The following RYR3 variants were observed in gnomAD, a reference collection of about 807,000 sequenced individuals.
The protein encoded by RYR3 is ryanodine receptor 3.
A neutral mutation model predicts 584.3 loss-of-function variants in RYR3; 207 were observed. The observed-to-expected ratio is 0.35, with a 90% CI of 0.32 to 0.40. The LOEUF (loss-of-function observed/expected upper bound fraction) is 0.40, where lower values mean the gene tolerates loss of function less well. Ranked by LOEUF, RYR3 falls within the 10% of genes least tolerant of loss-of-function variation. The pLI, the probability that RYR3 is intolerant of heterozygous loss-of-function variation, is 1.00. For synonymous variants in RYR3, 2,416 were observed against 2,248.5 expected, an observed-to-expected ratio of 1.07 and a Z score of -2.11; for missense variants, 5,616 against 6,089.2, an observed-to-expected ratio of 0.92 and a Z score of 2.59.
At chr15:33,329,832 C>T (rs756387536) in intron 1 of RYR3, among the ~76,000 whole-genome samples, 7 of 151,950 alleles carry the variant, frequency 4.6e-5, no homozygotes, top group Non-Finnish European at 7.4e-5. Flanking sequence ...AGACTTTGTG[C>T]GAAGGGGAGA....
intron 2 of RYR3, among the ~76,000 whole-genome samples, chr15:33,488,920 A>G (rs939744355): frequency 7.9e-5 from 12 of 152,124 alleles, no homozygotes; most frequent in Non-Finnish European, 1.5e-4. Flanking sequence ...CTTCATGGAT[A>G]TTTTCAAACC....
intron 3 of RYR3, 49 bp downstream of exon 3, chr15:33,503,787 C>T (rs1428902935): frequency 1.9e-6 from 2 of 1,060,624 alleles, no homozygotes; most frequent in South Asian, 2.7e-5. Context: ...GCACCACATC[C>T]CCAAAATACG....
intron 1 of RYR3, among the ~76,000 whole-genome samples, chr15:33,463,700 T>C (rs1405934482): frequency 6.6e-6 from 1 of 152,192 alleles, no homozygotes; most frequent in Non-Finnish European, 1.5e-5. Context: ...GCTTTCTCCT[T>C]TGCTCTCCCT....
At chr15:33,485,999 G>A (rs16971602) in intron 2 of RYR3, among the ~76,000 whole-genome samples, 29,019 of 151,942 alleles carry the variant, frequency 0.19, 6,092 homozygotes, top group African/African-American at 0.53. Context: ...TACATGGTTA[G>A]ACAGTGGCCT....
intron 1 of RYR3, among the ~76,000 whole-genome samples, chr15:33,467,843 T>TA (rs1331555228): frequency 6.6e-6 from 1 of 152,148 alleles, no homozygotes; most frequent in African/African-American, 2.4e-5. Context: ...AGAAATCTTG[T>TA]TGTATTTATT....
intron 2 of RYR3, among the ~76,000 whole-genome samples, chr15:33,495,454 A>C (rs2051331430): frequency 6.6e-6 from 1 of 152,216 alleles, no homozygotes; most frequent in Admixed American, 6.5e-5. Context: ...AAAATGGCTT[A>C]AAATGTCTTC....
intron 67 of RYR3, among the ~76,000 whole-genome samples, chr15:33,796,262 G>T (rs969238274): frequency 1.3e-5 from 2 of 152,030 alleles, no homozygotes; most frequent in African/African-American, 4.8e-5. Context: ...AGCCTCCCGA[G>T]TAGCTGGGAT....
In RYR3 at chr15:33,830,885, T is replaced by C. The variant is rs1335141196; in HGVS notation, c.11335-78T>C. 14 of 1,486,108 alleles carry C rather than the reference T, an allele frequency of 9.4e-6. No homozygotes were observed. The African/African-American group carries it at 1.7e-4, about 18-fold the overall frequency. 92.1% of individuals were successfully genotyped at this position (1,486,108 alleles called of 1,614,324 possible). ...AGGTCATAGAGATGCAGGATTATCA[T>C]GTACCCTTCCCAAACACCGAGTTTA... On this transcript the variant is annotated intron_variant, in intron 85 of 103. Transcript: ENST00000634891.
intron 1 of RYR3, among the ~76,000 whole-genome samples, chr15:33,433,464 A>T (rs1363348966): frequency 6.6e-6 from 1 of 151,820 alleles, no homozygotes; most frequent in East Asian, 1.9e-4. Flanking sequence ...TGTGTGCTGG[A>T]CATATAAGAT....
intron 43 of RYR3, among the ~76,000 whole-genome samples, chr15:33,708,003 G>A (rs1024890068): frequency 1.7e-4 from 26 of 152,092 alleles, no homozygotes; most frequent in African/African-American, 6.0e-4. Context: ...GCCTTGAGGT[G>A]GTTGCTTGTT....
At chr15:33,835,130 C>A in intron 87 of RYR3, 58 bp downstream of exon 87, 1 of 1,272,308 alleles carries the variant, frequency 7.9e-7, no homozygotes, top group Non-Finnish European at 1.1e-6. Context: ...TCAGTCCTCA[C>A]TCCTTGGTGT....
At chr15:33,834,285 A>C (rs1004521156) in intron 86 of RYR3, among the ~76,000 whole-genome samples, 8 of 136,870 alleles carry the variant, frequency 5.8e-5, no homozygotes, top group African/African-American at 2.3e-4. Context: ...ATCTGTCTTA[A>C]ACACACACAC....
intron 10 of RYR3, among the ~76,000 whole-genome samples, chr15:33,554,559 G>A (rs1011098361): frequency 1.7e-4 from 26 of 152,272 alleles, no homozygotes; most frequent in Non-Finnish European, 3.4e-4. Flanking sequence ...GCCTCCCAAA[G>A]TGCTGGGATT....
At chr15:33,856,360 GATCTTCCT>G (rs935995665) in intron 98 of RYR3, 5 of 152,202 alleles carry the variant, frequency 3.3e-5, no homozygotes, top group African/African-American at 1.2e-4. Context: ...TGATCCTGTT[GATCTTCCT>G]ATCTCCCAGC....
intron 70 of RYR3, 89 bp from the exon 71 acceptor site, chr15:33,810,390 C>A: frequency 7.3e-7 from 1 of 1,378,590 alleles, no homozygotes; most frequent in Non-Finnish European, 1.0e-6. Context: ...CTGACAGGGC[C>A]ACAAGGAGGC....
chr15:33,487,531 T>C (rs1167090465), intron 2 of RYR3, among the ~76,000 whole-genome samples: 1 of 152,222 alleles, frequency 6.6e-6, no homozygotes, highest in Non-Finnish European at 1.5e-5. Context: ...CCAGAGTGCC[T>C]GTTTACAAGT....
chr15:33,539,470 C>T lies in RYR3; in HGVS notation c.546+8C>T, dbSNP rs776354856. The T allele has an allele frequency of 1.1e-5, 17 of 1,525,214 alleles. No homozygotes were observed. Among genetic ancestry groups the T allele is most frequent in the South Asian group, 7.1e-5 (6 of 84,810 alleles). 94.5% of individuals were successfully genotyped at this position (1,525,214 alleles called of 1,614,324 possible). A position where few individuals can be genotyped will look rare whatever the true frequency, so the allele number is the denominator to read the frequency against. On this transcript the variant is annotated splice_region_variant and intron_variant, in intron 6 of 103. Transcript: ENST00000634891. ...TCCTCTGAAAGATACCTTGTAAGTA[C>T]CTCATAATATAAGAGTCTTCTGTTT...
intron 86 of RYR3, among the ~76,000 whole-genome samples, chr15:33,831,702 C>G (rs1387568777): frequency 1.3e-5 from 2 of 152,112 alleles, no homozygotes; most frequent in Admixed American, 6.5e-5. Context: ...GGTGGTCTAG[C>G]TACTTTAGAA....
At chr15:33,628,406 C>A in intron 20 of RYR3, 65 bp from the exon 21 acceptor site, 1 of 1,177,102 alleles carries the variant, frequency 8.5e-7, no homozygotes, top group Non-Finnish European at 1.3e-6. Flanking sequence ...GGGTGCCCAG[C>A]TCCTATAGAT....
Sources: allele counts gnomAD v4.1 joint callset (sites outside exome capture counted in the v4.1 genomes callset), GRCh38; gene constraint gnomAD v4.1.1; transcripts MANE v1.5; gene names NCBI Gene and HGNC (gene_info 2026-07-23, HGNC 2026-07-21).